DLG2: variants seen among roughly 807,000 people sequenced by gnomAD.
DLG2 encodes the protein disks large homolog 2.
A neutral mutation model predicts 132.5 loss-of-function variants in DLG2; 45 were observed. That is an observed-to-expected ratio of 0.34 (90% CI 0.27 to 0.44). DLG2 has a LOEUF of 0.44. DLG2 is among the 20% of genes least tolerant of loss of function. The probability of loss-of-function intolerance (pLI) is 1.00; values close to 1 mark genes in which losing one functional copy is unlikely to be tolerated. For synonymous variants in DLG2, 424 were observed against 419.6 expected (o/e 1.01, Z -0.13); for missense variants, 1,045 against 1,196.9 (o/e 0.87, Z 1.87).
At chr11:85,117,039 G>C (rs1046278808) in intron 5 of DLG2, among the ~76,000 whole-genome samples, 1 of 151,984 alleles carries the variant, frequency 6.6e-6, no homozygotes, top group Non-Finnish European at 1.5e-5. Context: ...GTGAGATAAC[G>C]TGGCAAATTG....
chr11:83,634,980 T>C (rs763864057), intron 18 of DLG2, among the ~76,000 whole-genome samples: 1 of 152,194 alleles, frequency 6.6e-6, no homozygotes, highest in East Asian at 1.9e-4. Flanking sequence ...GTAGAACACA[T>C]ATTTAACAAC....
At chr11:84,494,087 A>G (rs568402910) in intron 7 of DLG2, among the ~76,000 whole-genome samples, 1 of 152,206 alleles carries the variant, frequency 6.6e-6, no homozygotes, top group Non-Finnish European at 1.5e-5. Context: ...GCTCAAAATT[A>G]TCTGCCTCTT....
intron 6 of DLG2, among the ~76,000 whole-genome samples, chr11:84,721,739 G>T (rs2061858253): frequency 6.6e-6 from 1 of 152,166 alleles, no homozygotes; most frequent in Non-Finnish European, 1.5e-5. Context: ...ATCCGAGTTT[G>T]GAAACAGATT....
intron 21 of DLG2, among the ~76,000 whole-genome samples, chr11:83,485,267 A>T (rs1189920287): frequency 6.6e-6 from 1 of 152,182 alleles, no homozygotes; most frequent in East Asian, 1.9e-4. Context: ...GTGCTTACCT[A>T]GAAGACTCCC....
intron 3 of DLG2, among the ~76,000 whole-genome samples, chr11:85,418,844 C>G (rs149306630): frequency 1.3e-5 from 2 of 152,096 alleles, no homozygotes; most frequent in Non-Finnish European, 2.9e-5. Flanking sequence ...TGAGATGGGT[C>G]TCCTGAATAC....
chr11:84,477,437 G>A (rs2154492337), intron 7 of DLG2, among the ~76,000 whole-genome samples: 1 of 152,234 alleles, frequency 6.6e-6, no homozygotes, highest in South Asian at 2.1e-4. Context: ...AGAGGTTGCA[G>A]TGAGCCAATT....
chr11:84,662,032 G>A (rs915827301), intron 6 of DLG2, among the ~76,000 whole-genome samples: 8 of 151,914 alleles, frequency 5.3e-5, no homozygotes, highest in Admixed American at 3.9e-4. Flanking sequence ...GTTTAGAAAG[G>A]GTCAGCTTGT....
intron 3 of DLG2, among the ~76,000 whole-genome samples, chr11:85,520,565 G>C (rs1227539506): frequency 6.8e-6 from 1 of 147,810 alleles, no homozygotes; most frequent in African/African-American, 2.5e-5. Context: ...GCTACCCTTA[G>C]TAAAAAGAAC....
At chr11:83,609,545 A>G (rs533230315) in intron 19 of DLG2, among the ~76,000 whole-genome samples, 1 of 152,330 alleles carries the variant, frequency 6.6e-6, no homozygotes, top group African/African-American at 2.4e-5. Flanking sequence ...AGATTATCTA[A>G]CAATTGATTT....
intron 18 of DLG2, among the ~76,000 whole-genome samples, chr11:83,697,667 G>T (rs1462148654): frequency 6.6e-6 from 1 of 152,128 alleles, no homozygotes; most frequent in Non-Finnish European, 1.5e-5. Context: ...ATGTCTTCGG[G>T]GCATGGCAGG....
chr11:84,215,051 G>GAACTTCAAAAGAATAAAGT (rs2096818113), intron 8 of DLG2, among the ~76,000 whole-genome samples: 1 of 152,144 alleles, frequency 6.6e-6, no homozygotes, highest in South Asian at 2.1e-4. Context: ...TCTTCAAGGT[G>GAACTTCAAAAGAATAAAGT]AACTTCAAAA....
At chr11:84,174,492 A>G (rs1299105957) in intron 8 of DLG2, among the ~76,000 whole-genome samples, 1 of 152,024 alleles carries the variant, frequency 6.6e-6, no homozygotes, top group East Asian at 1.9e-4. Flanking sequence ...TGAGCTGAAC[A>G]CCTCCTCCTT....
chr11:85,187,869 T>G (rs1210354330), intron 4 of DLG2, among the ~76,000 whole-genome samples: 1 of 152,090 alleles, frequency 6.6e-6, no homozygotes, highest in East Asian at 1.9e-4. Flanking sequence ...CCAGTGACCT[T>G]AGGTTGTAGT....
At chr11:84,426,181 A>C (rs1296856954) in intron 7 of DLG2, among the ~76,000 whole-genome samples, 1 of 152,158 alleles carries the variant, frequency 6.6e-6, no homozygotes, top group Non-Finnish European at 1.5e-5. Flanking sequence ...GATCATGAGA[A>C]ATAAATGTAG....
At chr11:83,759,173 T>C (rs938079908) in intron 18 of DLG2, among the ~76,000 whole-genome samples, 1 of 152,134 alleles carries the variant, frequency 6.6e-6, no homozygotes, top group African/African-American at 2.4e-5. Context: ...ATAGGTAAAG[T>C]ACATTAATGG....
At chr11:85,470,244 T>C (rs1001854992) in intron 3 of DLG2, among the ~76,000 whole-genome samples, 4 of 148,602 alleles carry the variant, frequency 2.7e-5, no homozygotes, top group African/African-American at 7.4e-5. Flanking sequence ...CCCCCAATCA[T>C]TTAAAATAGA....
chr11:85,462,495 T>G (rs907906045), intron 3 of DLG2, among the ~76,000 whole-genome samples: 1 of 152,146 alleles, frequency 6.6e-6, no homozygotes, highest in African/African-American at 2.4e-5. Context: ...GTTCATGTCC[T>G]TTCTAGGGAC....
chr11:83,677,871 C>T (rs1372894977), intron 18 of DLG2, among the ~76,000 whole-genome samples: 1 of 152,178 alleles, frequency 6.6e-6, no homozygotes, highest in Non-Finnish European at 1.5e-5. Context: ...TAAGGCCACA[C>T]AAAGACATTG....
chr11:83,760,660 A>G (rs1367867581), intron 18 of DLG2, among the ~76,000 whole-genome samples: 2 of 152,022 alleles, frequency 1.3e-5, no homozygotes, highest in Non-Finnish European at 2.9e-5. Context: ...CTGGCCCACC[A>G]TCTCCATCTA....
Sources: allele counts gnomAD v4.1 joint callset (sites outside exome capture counted in the v4.1 genomes callset), GRCh38; gene constraint gnomAD v4.1.1; transcripts MANE v1.5; gene names NCBI Gene and HGNC (gene_info 2026-07-23, HGNC 2026-07-21).